Variants in ANKS6 observed in about 807,000 individuals in gnomAD.
ANKS6 encodes ankyrin repeat and sterile alpha motif domain containing 6.
ANKS6 carries 47 observed loss-of-function variants against 77.9 expected under a neutral mutation model. The ratio of observed to expected loss-of-function variants is 0.60; its 90% confidence interval spans 0.48 to 0.77. The LOEUF is 0.77. ANKS6 is among the 30% of genes least tolerant of loss of function. The pLI, the probability that ANKS6 is intolerant of heterozygous loss-of-function variation, is 0.00. For synonymous variants in ANKS6, 488 were observed against 501.7 expected (o/e 0.97, Z 0.37); for missense variants, 1,150 against 1,159.1 (o/e 0.99, Z 0.11).
intron 2 of ANKS6, among the ~76,000 whole-genome samples, chr9:98,788,521 A>AAAAAC (rs958225406): frequency 1.3e-5 from 2 of 152,216 alleles, no homozygotes; most frequent in African/African-American, 2.4e-5. Context: ...TGTCAAAAAC[A>AAAAAC]AAAACAAAAC....
At position 98,754,961 on chromosome 9, in the gene ANKS6, G is replaced by A. The variant is rs183755280; in HGVS notation, c.2326+1459C>T. Among the ~76,000 whole-genome samples, 54 of 152,232 alleles carry A rather than the reference G, an allele frequency of 3.5e-4. No individual in the cohort carries two copies. The East Asian group carries it at 9.1e-3, about 26-fold the overall frequency. On this transcript the variant is annotated intron_variant, in intron 12 of 14. Transcript: ENST00000353234. ...CAAATACCTAACTGAATCTCTAGGG[G>A]CTTCAATTCCTGAAAACCTCAGAGG... is the stretch of plus-strand genomic sequence containing the variant.
rs1425969747 is a variant in ANKS6, at chr9:98,732,474, C to T, written c.*4045G>A. 1.9e-6 allele frequency: 3 copies of T among 1,549,966 alleles called. No individual in the cohort carries two copies. Among genetic ancestry groups the T allele is most frequent in the Admixed American group, 3.9e-5 (2 of 50,986 alleles). ...CGGCCACTCCTCACTTCTGTGGGCT[C>T]CGATGCCAGCAGAGCCACCTGAGCG... On this transcript the variant is annotated 3_prime_UTR_variant, in exon 15 of 15. Coordinates refer to ENST00000353234, the MANE Select transcript of ANKS6 (RefSeq NM_173551.5).
intron 11 of ANKS6, among the ~76,000 whole-genome samples, chr9:98,763,687 T>C (rs1446240331): frequency 2.0e-5 from 3 of 151,726 alleles, no homozygotes; most frequent in African/African-American, 7.3e-5. Context: ...AAAACCAAAG[T>C]TGGTTCTTTG....
At chr9:98,789,879 G>A in intron 2 of ANKS6, 2 of 554,844 alleles carry the variant, frequency 3.6e-6, no homozygotes, top group Non-Finnish European at 5.8e-6. Context: ...GAGGCTTCCA[G>A]GCTCTTGCCC....
At chr9:98,768,802 T>G (rs1022340788) in intron 10 of ANKS6, among the ~76,000 whole-genome samples, 2 of 152,176 alleles carry the variant, frequency 1.3e-5, no homozygotes, top group African/African-American at 4.8e-5. Context: ...TCCCTCACCC[T>G]GCTTCCCAAA....
chr9:98,734,035 T>G lies in ANKS6; in HGVS notation c.*2484A>C. 1 of 985,320 alleles carries G rather than the reference T, an allele frequency of 1.0e-6. No homozygotes were observed. Among genetic ancestry groups the G allele is most frequent in the Non-Finnish European group, 1.2e-6 (1 of 829,942 alleles). The allele number at this position is 985,320 out of a possible 1,614,324, so 61.0% of individuals were successfully genotyped here. On this transcript the variant is annotated 3_prime_UTR_variant, in exon 15 of 15. Transcript: ENST00000353234. The stretch of plus-strand genomic sequence containing the variant: ...AAACAAGCACCCAACTGACCCCTCC[T>G]CCCTGACGATCTATAACCTACATGT...
In ANKS6 at chr9:98,734,441, C is replaced by T. The variant is rs1481192363; in HGVS notation, c.*2078G>A. The T allele has an allele frequency of 2.0e-6, 2 of 985,322 alleles. No individual in the cohort carries two copies. Among genetic ancestry groups the T allele is most frequent in the East Asian group, 2.3e-4 (2 of 8,828 alleles). The allele number at this position is 985,322 out of a possible 1,614,324, so 61.0% of individuals were successfully genotyped here. A position where few individuals can be genotyped will look rare whatever the true frequency, so the allele number is the denominator to read the frequency against. On this transcript the variant is annotated 3_prime_UTR_variant, in exon 15 of 15. Transcript: ENST00000353234. ...ACAGGACCACAGCAAAAAGCAGGCA[C>T]AAAACCTCAAAGCACATAACGTCAG...
At chr9:98,771,818 G>A (rs1357682187) in intron 9 of ANKS6, among the ~76,000 whole-genome samples, 7 of 152,068 alleles carry the variant, frequency 4.6e-5, no homozygotes, top group Non-Finnish European at 7.4e-5. Flanking sequence ...GTGGGCTCCC[G>A]TGTAGGGCAG....
intron 1 of ANKS6, 102 bp from the exon 2 acceptor site, chr9:98,790,708 C>T: frequency 6.9e-7 from 1 of 1,447,922 alleles, no homozygotes; most frequent in Non-Finnish European, 9.4e-7. Flanking sequence ...GACAGCTGCT[C>T]ATGATAAGAG....
chr9:98,771,709 C>T (rs1833642650), intron 9 of ANKS6, among the ~76,000 whole-genome samples: 1 of 152,136 alleles, frequency 6.6e-6, no homozygotes, highest in Admixed American at 6.6e-5. Context: ...CCCCCCCATC[C>T]TTACCCCACT....
rs965200763 is a variant in ANKS6 at position 98,733,595 on chromosome 9, G to A, written c.*2924C>T. On this transcript the variant is annotated 3_prime_UTR_variant, in exon 15 of 15. Transcript: ENST00000353234. ...CTTGGTTGCCGCTGTTCCAGAAAAA[G>A]CGGGGCTTCTCCAATGGTGTCCAAG... 4.7e-5 allele frequency: 46 copies of A among 985,502 alleles called. No individual in the cohort carries two copies. The highest frequency in any genetic ancestry group is 5.2e-5 in the Non-Finnish European group (43 of 829,962). 61.0% of individuals were successfully genotyped at this position (985,502 alleles called of 1,614,324 possible).
At chr9:98,774,127 C>T (rs1293536341) in intron 8 of ANKS6, 47 bp from the exon 9 acceptor site, 1 of 1,384,704 alleles carries the variant, frequency 7.2e-7, no homozygotes, top group Non-Finnish European at 9.4e-7. Context: ...GGAGGGCTCC[C>T]AACTCTGCAG....
rs765164797 is a variant in ANKS6, at chr9:98,745,567, C to T, written c.2503G>A (p.Ala835Thr). 38 of 1,612,688 alleles carry T rather than the reference C, an allele frequency of 2.4e-5. 1 individual carries two copies. The highest frequency in any genetic ancestry group is 3.3e-5 in the South Asian group (3 of 91,038). Residue 835 changes from alanine (A) to threonine (T), a missense_variant, in exon 14 of 15, where the codon GCA becomes ACA. By Grantham distance (58) the Ala-to-Thr change is moderately conservative. Coordinates refer to ENST00000353234, the MANE Select transcript of ANKS6 (RefSeq NM_173551.5). ...GAAACAGAGAACGGTACCTTGCCTG[C>T]GTTCAGTTCAGAAATCGCTGCCAGA... ...QILAAISELN[A>T]GKGRERQILQ...
chr9:98,786,176 G>A (rs1007708851), intron 2 of ANKS6, among the ~76,000 whole-genome samples: 1 of 152,100 alleles, frequency 6.6e-6, no homozygotes, highest in East Asian at 1.9e-4. Context: ...ACGGGGTTTT[G>A]CCATGTTGGC....
intron 11 of ANKS6, among the ~76,000 whole-genome samples, chr9:98,757,195 G>C (rs1166025940): frequency 6.6e-6 from 1 of 152,112 alleles, no homozygotes; most frequent in Non-Finnish European, 1.5e-5. Context: ...ACAGTATAAT[G>C]ATCAAAACTA....
chr9:98,754,305 C>T (rs1258479207), intron 12 of ANKS6, among the ~76,000 whole-genome samples: 1 of 152,094 alleles, frequency 6.6e-6, no homozygotes, highest in Non-Finnish European at 1.5e-5. Flanking sequence ...GCTCACGTGT[C>T]CTTGACTGGG....
chr9:98,770,908 G>T lies in ANKS6; in HGVS notation c.1960C>A (p.Leu654Ile). The T allele has an allele frequency of 6.6e-7, 1 of 1,517,960 alleles. No homozygotes were observed. Among genetic ancestry groups the T allele is most frequent in the Non-Finnish European group, 8.9e-7 (1 of 1,128,166 alleles). The allele number at this position is 1,517,960 out of a possible 1,614,324, so 94.0% of individuals were successfully genotyped here. Residue 654 changes from leucine (L) to isoleucine (I), a missense_variant, in exon 10 of 15, where the codon CTT (leucine) becomes ATT (isoleucine). Transcript: ENST00000353234. ...CCCAGCTACTCACCTGAGCGGTTAA[G>T]CAGCTCCCCACCGTGCCGGCTCACA... is the stretch of plus-strand genomic sequence containing the variant. ...VGVSRHGGELLNRSGGSIDNV... is the reference protein window; with the variant it reads ...VGVSRHGGELINRSGGSIDNV...
At chr9:98,762,749 T>C (rs1437902448) in intron 11 of ANKS6, among the ~76,000 whole-genome samples, 1 of 152,180 alleles carries the variant, frequency 6.6e-6, no homozygotes, top group Non-Finnish European at 1.5e-5. Flanking sequence ...GAAGGTATTA[T>C]ACTTTGTATT....
At position 98,734,408 on chromosome 9, in the gene ANKS6, T is replaced by C. The variant is rs1441865673; in HGVS notation, c.*2111A>G. 1.0e-6 allele frequency: 1 copy of C among 985,366 alleles called. No homozygotes were observed. The highest frequency in any genetic ancestry group is 1.2e-6 in the Non-Finnish European group (1 of 829,924). 61.0% of individuals were successfully genotyped at this position (985,366 alleles called of 1,614,324 possible). A position where few individuals can be genotyped will look rare whatever the true frequency, so the allele number is the denominator to read the frequency against. On this transcript the variant is annotated 3_prime_UTR_variant, in exon 15 of 15. Coordinates refer to ENST00000353234, the MANE Select transcript of ANKS6 (RefSeq NM_173551.5). ...TGGAAGCTATACCAGTATATTGTTATGAAAAAAACAGGACCACAGCAAAAA... is the reference window on the plus strand; with the variant it reads ...TGGAAGCTATACCAGTATATTGTTACGAAAAAAACAGGACCACAGCAAAAA...
Sources: gnomAD v4.1 joint callset for allele counts (sites outside exome capture counted in the v4.1 genomes callset) on GRCh38, gnomAD v4.1.1 for gene constraint, MANE v1.5 for transcripts, NCBI Gene and HGNC (gene_info 2026-07-23, HGNC 2026-07-21) for gene names.